Variants in ARB2A observed in about 807,000 individuals in gnomAD.
ARB2A encodes ARB2 cotranscriptional regulator A, also known as cotranscriptional regulator ARB2A.
At chr5:93,982,284 C>A in the ARB2A span, among the ~76,000 whole-genome samples, 33 of 152,104 alleles carry the variant, frequency 2.2e-4, 1 homozygote, top group African/African-American at 8.0e-4. Flanking sequence ...TGTCAGTATG[C>A]ACTCCTATTT....
At chr5:93,664,122 C>T in the ARB2A span, among the ~76,000 whole-genome samples, 12 of 139,810 alleles carry the variant, frequency 8.6e-5, no homozygotes, top group African/African-American at 2.9e-4. Context: ...CCAGGCTGGG[C>T]GGGGGTGGGG....
chr5:93,837,225 G>T, the ARB2A span, among the ~76,000 whole-genome samples: 14 of 152,220 alleles, frequency 9.2e-5, no homozygotes, highest in Admixed American at 8.5e-4. Context: ...TTGGTTTTCT[G>T]TTCCTGCATT....
At chr5:93,906,047 A>G in the ARB2A span, among the ~76,000 whole-genome samples, 2 of 151,604 alleles carry the variant, frequency 1.3e-5, no homozygotes, top group African/African-American at 4.8e-5. Flanking sequence ...GTAAAAAGGC[A>G]ATACTAGAAT....
At chr5:93,721,232 G>A in the ARB2A span, among the ~76,000 whole-genome samples, 2 of 152,096 alleles carry the variant, frequency 1.3e-5, no homozygotes, top group South Asian at 4.2e-4. Flanking sequence ...GGGTGAAGCG[G>A]CTGGTTACAG....
the ARB2A span, among the ~76,000 whole-genome samples, chr5:93,821,306 G>A: frequency 1.3e-5 from 2 of 152,040 alleles, no homozygotes; most frequent in African/African-American, 4.8e-5. Flanking sequence ...CCTAAGAAAT[G>A]TGTGTGTTTG....
chr5:93,937,317 T>C, the ARB2A span, among the ~76,000 whole-genome samples: 2 of 148,014 alleles, frequency 1.4e-5, no homozygotes, highest in African/African-American at 2.5e-5. Context: ...AGAGAGAGAG[T>C]GCAGGCTGGC....
the ARB2A span, among the ~76,000 whole-genome samples, chr5:94,106,730 T>G: frequency 6.6e-6 from 1 of 151,792 alleles, no homozygotes. Flanking sequence ...TCAACCTACA[T>G]ACCCATCAAC....
chr5:93,678,793 AC>A, the ARB2A span, among the ~76,000 whole-genome samples: 2 of 152,068 alleles, frequency 1.3e-5, no homozygotes, highest in African/African-American at 4.8e-5. Flanking sequence ...TTTTTTCTAA[AC>A]AAAAGTAATG....
the ARB2A span, among the ~76,000 whole-genome samples, chr5:94,077,310 T>G: frequency 6.6e-6 from 1 of 151,742 alleles, no homozygotes; most frequent in African/African-American, 2.4e-5. Context: ...GAGGCAGAGG[T>G]TGCAGTGAGC....
the ARB2A span, among the ~76,000 whole-genome samples, chr5:93,847,143 A>T: frequency 6.6e-6 from 1 of 152,060 alleles, no homozygotes; most frequent in Non-Finnish European, 1.5e-5. Flanking sequence ...GTAAGAGGCA[A>T]CTCCTCATTC....
the ARB2A span, among the ~76,000 whole-genome samples, chr5:94,034,944 T>C: frequency 2.7e-4 from 41 of 152,180 alleles, no homozygotes; most frequent in African/African-American, 8.9e-4. Context: ...GGGATCTAGG[T>C]TGCACACTCC....
chr5:93,944,542 C>A, the ARB2A span, among the ~76,000 whole-genome samples: 6 of 151,808 alleles, frequency 4.0e-5, no homozygotes, highest in Admixed American at 1.3e-4. Flanking sequence ...CACGATCATG[C>A]CACTCAACTC....
At chr5:93,800,381 TCACACACA>T in the ARB2A span, among the ~76,000 whole-genome samples, 243 of 141,052 alleles carry the variant, frequency 1.7e-3, no homozygotes, top group Admixed American at 4.2e-3. Context: ...CTGCATATTT[TCACACACA>T]CACACACACA....
At chr5:93,907,542 T>C in the ARB2A span, among the ~76,000 whole-genome samples, 2 of 151,524 alleles carry the variant, frequency 1.3e-5, no homozygotes, top group East Asian at 3.9e-4. Context: ...GCTTTTGGTT[T>C]ACAAAGATGG....
the ARB2A span, among the ~76,000 whole-genome samples, chr5:93,998,946 A>G: frequency 6.6e-6 from 1 of 152,058 alleles, no homozygotes; most frequent in Admixed American, 6.6e-5. Flanking sequence ...AGACAGGTAC[A>G]TTTCAGTGCA....
At chr5:93,828,709 T>C in the ARB2A span, among the ~76,000 whole-genome samples, 1 of 152,198 alleles carries the variant, frequency 6.6e-6, no homozygotes, top group East Asian at 1.9e-4. Flanking sequence ...TGTTGCCAAG[T>C]TACTCACTCC....
At chr5:93,983,460 T>C in the ARB2A span, among the ~76,000 whole-genome samples, 41 of 152,196 alleles carry the variant, frequency 2.7e-4, no homozygotes, top group African/African-American at 9.9e-4. Flanking sequence ...ATGGCAGCAA[T>C]AGATCATATC....
the ARB2A span, among the ~76,000 whole-genome samples, chr5:94,083,324 C>T: frequency 3.3e-5 from 5 of 152,014 alleles, no homozygotes; most frequent in African/African-American, 1.2e-4. Context: ...CAGCCAAGTC[C>T]CCCAAGGAAT....
chr5:93,935,235 G>T, the ARB2A span, among the ~76,000 whole-genome samples: 5 of 152,016 alleles, frequency 3.3e-5, no homozygotes, highest in South Asian at 2.1e-4. Context: ...CTATTAAAAC[G>T]ATATTTTTAG....
Sources: gnomAD v4.1 joint callset for allele counts (sites outside exome capture counted in the v4.1 genomes callset) on GRCh38, gnomAD v4.1.1 for gene constraint, MANE v1.5 for transcripts, NCBI Gene and HGNC (gene_info 2026-07-23, HGNC 2026-07-21) for gene names.